Variants in SPOP observed in about 807,000 individuals in gnomAD.
SPOP encodes speckle-type POZ protein.
In SPOP, 11 loss-of-function variants were observed where a neutral mutation model predicts 45.6. The observed-to-expected ratio is 0.24, with a 90% CI of 0.15 to 0.40. The LOEUF (loss-of-function observed/expected upper bound fraction) is 0.40, where lower values mean the gene tolerates loss of function less well. Among genes scored for constraint, SPOP ranks in the 10% least tolerant of loss-of-function variants. The probability of loss-of-function intolerance (pLI) is 1.00; values close to 1 mark genes in which losing one functional copy is unlikely to be tolerated. For synonymous variants in SPOP, 166 were observed against 166.3 expected, an observed-to-expected ratio of 1.00 and a Z score of 0.01; for missense variants, 152 against 465.6, an observed-to-expected ratio of 0.33 and a Z score of 6.20.
rs1054228158 is a variant in SPOP at position 49,622,612 on chromosome 17, G to A, written c.78+121C>T. On this transcript the variant is annotated intron_variant, in intron 2 of 9. Transcript: ENST00000504102. Reference sequence around the variant, plus strand: ...AGGCTAACAAGTATCTTATCTATCTGCTCTTTGGCAGTTATGTTCCAGAGA... The same window carrying A: ...AGGCTAACAAGTATCTTATCTATCTACTCTTTGGCAGTTATGTTCCAGAGA... 6.1e-6 allele frequency: 5 copies of A among 821,532 alleles called. No individual in the cohort carries two copies. In the Admixed American group the frequency reaches 1.1e-4, roughly 18 times the overall value. The allele number at this position is 821,532 out of a possible 1,614,324, so 50.9% of individuals were successfully genotyped here.
At chr17:49,615,401 T>C (rs917690571) in intron 5 of SPOP, among the ~76,000 whole-genome samples, 5 of 152,204 alleles carry the variant, frequency 3.3e-5, no homozygotes, top group African/African-American at 9.6e-5. Context: ...AAAGGGTCAA[T>C]AGAAGCTGAA....
Position 49,600,595 on chromosome 17 carries a change from C to T in SPOP, c.981-73G>A. On this transcript the variant is annotated intron_variant, in intron 9 of 9. Transcript: ENST00000504102. This position sits in a 1 kb window ranked among gnomAD's most constrained non-coding sequence, Gnocchi z 4.2. Reference sequence around the variant, plus strand: ...ATGAATTCAACAGCCACCTAGATAGCCTAATTTTCCACTGTTAGGTATAAA... The same window carrying T: ...ATGAATTCAACAGCCACCTAGATAGTCTAATTTTCCACTGTTAGGTATAAA... The T allele has an allele frequency of 1.3e-6, 2 of 1,550,798 alleles. No individual in the cohort carries two copies. Among genetic ancestry groups the T allele is most frequent in the South Asian group, 2.3e-5 (2 of 88,670 alleles).
At chr17:49,604,416 T>C (rs1218000562) in intron 8 of SPOP, among the ~76,000 whole-genome samples, 3 of 152,188 alleles carry the variant, frequency 2.0e-5, no homozygotes, top group Admixed American at 1.3e-4. Flanking sequence ...ATCCTCCACA[T>C]ACACTCCAAA....
intron 1 of SPOP, among the ~76,000 whole-genome samples, chr17:49,677,303 G>A (rs1292039084): frequency 6.6e-6 from 1 of 152,238 alleles, no homozygotes; most frequent in Admixed American, 6.5e-5. Flanking sequence ...AGAACTAGAA[G>A]ATACAGTGAC....
intron 3 of SPOP, 107 bp downstream of exon 3, chr17:49,621,839 A>C: frequency 7.8e-7 from 1 of 1,276,510 alleles, no homozygotes. Flanking sequence ...AGAACAAAAC[A>C]AAAGTCCTGG....
rs183140947 is a variant in SPOP at position 49,599,346 on chromosome 17, T to C, written c.*1032A>G. 99 of 223,964 alleles carry C rather than the reference T, an allele frequency of 4.4e-4. No homozygotes were observed. The highest frequency in any genetic ancestry group is 1.7e-3 in the Admixed American group (30 of 17,436). The allele number at this position is 223,964 out of a possible 1,614,324, so 13.9% of individuals were successfully genotyped here. A position where few individuals can be genotyped will look rare whatever the true frequency, so the allele number is the denominator to read the frequency against. ...AAATTAACATTTGGAAGTTCTCCCC[T>C]GGAGGAAGAGGGGCTAGTCAGAAGG... On this transcript the variant is annotated 3_prime_UTR_variant, in exon 10 of 10. Transcript: ENST00000504102.
Position 49,599,382 on chromosome 17 carries a change from G to C in SPOP, c.*996C>G. On this transcript the variant is annotated 3_prime_UTR_variant, in exon 10 of 10. Transcript: ENST00000504102. ...GGGCTAGTCAGAAGGAACAGAACTGGCTCCTATGCAGGCGGCAAGTCAGGT... is the reference window on the plus strand; with the variant it reads ...GGGCTAGTCAGAAGGAACAGAACTGCCTCCTATGCAGGCGGCAAGTCAGGT... 1 of 225,894 alleles carries C rather than the reference G, an allele frequency of 4.4e-6. No individual in the cohort carries two copies. Among genetic ancestry groups the C allele is most frequent in the Non-Finnish European group, 8.8e-6 (1 of 113,144 alleles). The allele number at this position is 225,894 out of a possible 1,614,324, so 14.0% of individuals were successfully genotyped here.
At chr17:49,654,293 A>G (rs975197144) in intron 1 of SPOP, among the ~76,000 whole-genome samples, 6 of 152,130 alleles carry the variant, frequency 3.9e-5, no homozygotes, top group Admixed American at 6.5e-5. Flanking sequence ...GTGTCTATCT[A>G]TGTTGCCCAG....
intron 1 of SPOP, among the ~76,000 whole-genome samples, chr17:49,641,347 A>G (rs1423936888): frequency 7.1e-6 from 1 of 141,686 alleles, no homozygotes; most frequent in Non-Finnish European, 1.5e-5. Flanking sequence ...TTTTTTTTCT[A>G]TAGCGCATAA....
Position 49,622,078 on chromosome 17 carries a change from A to T in SPOP, c.79-11T>A, listed in dbSNP as rs542443312. 53 of 1,611,936 alleles carry T rather than the reference A, an allele frequency of 3.3e-5. 1 individual carries two copies. The highest frequency in any genetic ancestry group is 2.2e-4 in the South Asian group (20 of 90,554). Reference sequence around the variant, plus strand: ...TTTCACTACCTTGATCTGTTGATAGAAAAACAGGAAGCAATTAAATAGGAA... The same window carrying T: ...TTTCACTACCTTGATCTGTTGATAGTAAAACAGGAAGCAATTAAATAGGAA... On this transcript the variant is annotated splice_polypyrimidine_tract_variant and intron_variant, in intron 2 of 9. Transcript: ENST00000504102.
chr17:49,609,881 G>A (rs915017248), intron 6 of SPOP, among the ~76,000 whole-genome samples: 1 of 151,796 alleles, frequency 6.6e-6, no homozygotes, highest in Non-Finnish European at 1.5e-5. Context: ...ATAACCGGTA[G>A]AGTAAGGTTT....
intron 5 of SPOP, among the ~76,000 whole-genome samples, chr17:49,615,714 C>T (rs55932363): frequency 5.6e-4 from 85 of 152,226 alleles, no homozygotes; most frequent in African/African-American, 1.9e-3. Context: ...AAAGTAAATG[C>T]TCTGTCAAGA....
intron 8 of SPOP, among the ~76,000 whole-genome samples, chr17:49,602,748 G>A (rs1177067116): frequency 1.3e-5 from 2 of 152,200 alleles, no homozygotes; most frequent in South Asian, 2.1e-4. Context: ...GTGGCAGAGA[G>A]CCTAAATGCA....
At chr17:49,604,827 A>G (rs531084236) in intron 8 of SPOP, among the ~76,000 whole-genome samples, 1 of 152,312 alleles carries the variant, frequency 6.6e-6, no homozygotes, top group South Asian at 2.1e-4. Flanking sequence ...AAACAATGAA[A>G]GTCCGTTTCC....
At chr17:49,626,843 C>G (rs1312740553) in intron 1 of SPOP, among the ~76,000 whole-genome samples, 1 of 152,106 alleles carries the variant, frequency 6.6e-6, no homozygotes, top group Non-Finnish European at 1.5e-5. Context: ...GTCATAAACA[C>G]TATCTTACAG....
intron 8 of SPOP, among the ~76,000 whole-genome samples, chr17:49,606,293 A>G (rs925631653): frequency 6.6e-6 from 1 of 151,924 alleles, no homozygotes; most frequent in Non-Finnish European, 1.5e-5. Flanking sequence ...AGCTGGGACT[A>G]TGGGCGTGCA....
intron 1 of SPOP, among the ~76,000 whole-genome samples, chr17:49,650,561 C>G (rs1342542827): frequency 6.6e-6 from 1 of 152,098 alleles, no homozygotes; most frequent in African/African-American, 2.4e-5. Flanking sequence ...GCCTGGGCAA[C>G]AGAGCAAGAC....
chr17:49,609,225 TA>T (rs1438929397), intron 6 of SPOP, among the ~76,000 whole-genome samples: 1 of 152,182 alleles, frequency 6.6e-6, no homozygotes, highest in Non-Finnish European at 1.5e-5. Context: ...TGCCATTTTC[TA>T]ACCACATATT....
chr17:49,631,449 T>C (rs1405139537), intron 1 of SPOP, among the ~76,000 whole-genome samples: 1 of 152,218 alleles, frequency 6.6e-6, no homozygotes, highest in African/African-American at 2.4e-5. Flanking sequence ...CTCTTAATAC[T>C]TTCTGAATTT....
Sources: gnomAD v4.1 joint callset for allele counts (sites outside exome capture counted in the v4.1 genomes callset) on GRCh38, gnomAD v4.1.1 for gene constraint, Gnocchi (gnomAD v3.1) non-coding constraint, MANE v1.5 for transcripts, NCBI Gene and HGNC (gene_info 2026-07-23, HGNC 2026-07-21) for gene names.